Variants in ZSCAN10 observed in about 807,000 individuals in gnomAD.
ZSCAN10 encodes the protein zinc finger and SCAN domain-containing protein 10.
In ZSCAN10, 52 loss-of-function variants were observed where a neutral mutation model predicts 63.7. That is an observed-to-expected ratio of 0.82 (90% CI 0.65 to 1.03). The LOEUF (loss-of-function observed/expected upper bound fraction) is 1.03. ZSCAN10 is among the 50% of genes least tolerant of loss of function. The pLI is 0.00. For missense variants in ZSCAN10, 1,223 were observed against 1,103.8 expected, an observed-to-expected ratio of 1.11 and a Z score of -1.53; for synonymous variants, 544 against 479.6, an observed-to-expected ratio of 1.13 and a Z score of -1.76.
At chr16:3,093,704 G>A (rs1422662147) in intron 1 of ZSCAN10, among the ~76,000 whole-genome samples, 4 of 139,346 alleles carry the variant, frequency 2.9e-5, no homozygotes, top group Non-Finnish European at 6.1e-5. Context: ...TTTTTGAGAT[G>A]GAGTCTTGCT....
intron 1 of ZSCAN10, among the ~76,000 whole-genome samples, chr16:3,094,404 G>C (rs2151217632): frequency 6.6e-6 from 1 of 152,322 alleles, no homozygotes; most frequent in East Asian, 1.9e-4. Context: ...GGAGTGCAAT[G>C]GCAAGATCTC....
chr16:3,092,041 C>A lies in ZSCAN10; in HGVS notation c.664+8G>T. The A allele has an allele frequency of 6.4e-7, 1 of 1,552,530 alleles. No individual in the cohort carries two copies. Among genetic ancestry groups the A allele is most frequent in the Non-Finnish European group, 8.7e-7 (1 of 1,149,222 alleles). ...AGTCCTTGGCCTCCTAGGGCACAAG[C>A]TCCTCACTGCTTTCTTGCAGGGCCT... On this transcript the variant is annotated splice_region_variant and intron_variant, in intron 3 of 5. Coordinates refer to ENST00000576985, the MANE Select transcript of ZSCAN10 (RefSeq NM_032805.3).
intron 1 of ZSCAN10, among the ~76,000 whole-genome samples, chr16:3,095,821 C>G (rs1211024200): frequency 2.9e-5 from 4 of 136,894 alleles, no homozygotes; most frequent in African/African-American, 1.1e-4. Context: ...GAGCCAGACT[C>G]CATCTCAAAA....
Position 3,090,586 on chromosome 16 carries a change from G to A in ZSCAN10, c.848C>T (p.Ala283Val). The A allele has an allele frequency of 6.3e-7, 1 of 1,578,504 alleles. No homozygotes were observed. Among genetic ancestry groups the A allele is most frequent in the Non-Finnish European group, 8.6e-7 (1 of 1,160,516 alleles). ...EFKQEEPKGAAWPTPILAESQ... is the reference protein window; with the variant it reads ...EFKQEEPKGAVWPTPILAESQ... ...CTCTGCTAAGATGGGAGTGGGCCAG[G>A]CAGCCCCTTTGGGCTCTTCTTGTTT... is the stretch of plus-strand genomic sequence containing the variant. The change falls in exon 6 of 6, where the codon GCC becomes GTC. Residue 283 changes from alanine to valine, a missense_variant. Physicochemically the swap from Ala to Val is moderately conservative, Grantham distance 64. Transcript: ENST00000576985.
chr16:3,090,506 G>T lies in ZSCAN10; in HGVS notation c.928C>A (p.Arg310=). 6.2e-7 allele frequency: 1 copy of T among 1,613,212 alleles called. No individual in the cohort carries two copies. The highest frequency in any genetic ancestry group is 8.5e-7 in the Non-Finnish European group (1 of 1,179,702). The change falls in exon 6 of 6, where the codon CGG becomes AGG. Residue 310 remains arginine, a synonymous_variant. Transcript: ENST00000576985. ...PGEPCAQSLG[R]GAAASGPGED... The stretch of plus-strand genomic sequence containing the variant: ...CCAGGGCCGCTAGCCGCAGCGCCCC[G>T]TCCGAGCGACTGGGCGCAAGGCTCT...
At chr16:3,091,341 T>G (rs1957071440) in intron 5 of ZSCAN10, among the ~76,000 whole-genome samples, 199 bp downstream of exon 5, 1 of 151,796 alleles carries the variant, frequency 6.6e-6, no homozygotes, top group Non-Finnish European at 1.5e-5. Context: ...GTCTGGAGCT[T>G]CAGGCAAAGA....
At position 3,089,716 on chromosome 16, in the gene ZSCAN10, G is replaced by C; in HGVS notation, c.1718C>G (p.Thr573Arg). The C allele has an allele frequency of 1.9e-6, 3 of 1,604,216 alleles. No individual in the cohort carries two copies. Among genetic ancestry groups the C allele is most frequent in the Non-Finnish European group, 2.5e-6 (3 of 1,178,928 alleles). ...CGGACAGGCGTAGGGCTTCTCGCCC[G>C]TGTGCACCCGTTGGTGGCTGACCAG... ...SQLVSHQRVH[T>R]GEKPYACPQC... The change falls in exon 6 of 6, where the codon ACG becomes AGG. Residue 573 changes from threonine to arginine, a missense_variant. Coordinates refer to ENST00000576985, the MANE Select transcript of ZSCAN10 (RefSeq NM_032805.3).
chr16:3,092,344 A>C, intron 2 of ZSCAN10, 28 bp from the exon 3 acceptor site: 1 of 1,565,584 alleles, frequency 6.4e-7, no homozygotes, highest in Non-Finnish European at 8.7e-7. Context: ...AAGTTAAGTG[A>C]CTCCCGGGGT....
chr16:3,092,523 C>A lies in ZSCAN10; in HGVS notation c.396+19G>T. On this transcript the variant is annotated intron_variant, in intron 2 of 5. Transcript: ENST00000576985. Reference sequence around the variant, plus strand: ...CCCATCATCCGCATGCTGCTCAGCCCGCTGCCCCACCCTCTCACCAGCGGC... The same window carrying A: ...CCCATCATCCGCATGCTGCTCAGCCAGCTGCCCCACCCTCTCACCAGCGGC... The A allele has an allele frequency of 6.7e-7, 1 of 1,488,006 alleles. No homozygotes were observed. Among genetic ancestry groups the A allele is most frequent in the South Asian group, 1.3e-5 (1 of 75,776 alleles). 92.2% of individuals were successfully genotyped at this position (1,488,006 alleles called of 1,614,324 possible).
At chr16:3,094,495 G>C (rs781171222) in intron 1 of ZSCAN10, among the ~76,000 whole-genome samples, 13 of 152,180 alleles carry the variant, frequency 8.5e-5, no homozygotes, top group African/African-American at 2.9e-4. Context: ...ACAAGCACGC[G>C]CCACCGCATG....
At chr16:3,093,527 A>G (rs1012421128) in intron 1 of ZSCAN10, among the ~76,000 whole-genome samples, 7 of 151,866 alleles carry the variant, frequency 4.6e-5, no homozygotes, top group South Asian at 2.1e-4. Flanking sequence ...AAAAAAAAAA[A>G]AAAGAAATTT....
chr16:3,091,575 A>G lies in ZSCAN10; in HGVS notation c.752T>C (p.Val251Ala), dbSNP rs1360049759. The G allele has an allele frequency of 6.2e-7, 1 of 1,614,234 alleles. No individual in the cohort carries two copies. Residue 251 changes from valine to alanine, a missense_variant, in exon 5 of 6, where the codon GTG becomes GCG. Coordinates refer to ENST00000576985, the MANE Select transcript of ZSCAN10 (RefSeq NM_032805.3). ...TGCAGGCCACGCCTTATTCTCTGGC[A>G]CATCCTCAAAGGTCAGGCACTCCTG... ...AVLECLTFED[V>A]PENKAWPAHP...
chr16:3,090,067 T>C lies in ZSCAN10; in HGVS notation c.1367A>G (p.Gln456Arg). Residue 456 changes from glutamine to arginine, a missense_variant, in exon 6 of 6, where the codon CAG becomes CGG. By Grantham distance (43) the Gln-to-Arg change is conservative. Coordinates refer to ENST00000576985, the MANE Select transcript of ZSCAN10 (RefSeq NM_032805.3). ...SLVQHLLAHAQDQKPPCAPES... is the reference protein window; with the variant it reads ...SLVQHLLAHARDQKPPCAPES... ...AGGAGCGCAGGGCGGCTTCTGGTCC[T>C]GGGCGTGCGCCAGCAGGTGCTGCAC... The C allele has an allele frequency of 6.2e-7, 1 of 1,603,950 alleles. No homozygotes were observed. Among genetic ancestry groups the C allele is most frequent in the East Asian group, 2.2e-5 (1 of 44,756 alleles).
Position 3,096,861 on chromosome 16 carries a change from G to A in ZSCAN10, c.-68+2329C>T, listed in dbSNP as rs190597353. ...GGAGAATTGCTTGAACCTGGGAGGC[G>A]GAGGTTGCAGTGAGACGAGATCGTG... On this transcript the variant is annotated intron_variant, in intron 1 of 5. Coordinates refer to ENST00000576985, the MANE Select transcript of ZSCAN10 (RefSeq NM_032805.3). Among the ~76,000 whole-genome samples, 471 of 151,746 alleles carry A rather than the reference G, an allele frequency of 3.1e-3. 2 individuals carry two copies. The highest frequency in any genetic ancestry group is 7.0e-3 in the Admixed American group (106 of 15,216).
chr16:3,092,827 C>T lies in ZSCAN10; in HGVS notation c.111G>A (p.Arg37=). ...GCTGGTGAGCCACCTCGGGCCTCAG[C>T]CTGGACTCTGGTCGCCTGGGGTCCT... ...SPEDPRRPES[R]LRPEVAHQLF... Residue 37 remains arginine, a synonymous_variant, in exon 2 of 6, where the codon AGG becomes AGA. Transcript: ENST00000576985. 6.6e-7 allele frequency: 1 copy of T among 1,504,902 alleles called. No individual in the cohort carries two copies. The highest frequency in any genetic ancestry group is 8.9e-7 in the Non-Finnish European group (1 of 1,122,378). 93.2% of individuals were successfully genotyped at this position (1,504,902 alleles called of 1,614,324 possible).
chr16:3,089,968 G>A lies in ZSCAN10; in HGVS notation c.1466C>T (p.Ser489Phe), dbSNP rs1957045638. 6.5e-7 allele frequency: 1 copy of A among 1,544,704 alleles called. No homozygotes were observed. Among genetic ancestry groups the A allele is most frequent in the African/African-American group, 1.4e-5 (1 of 73,080 alleles). ...SHCGQSFQRR[S>F]SLKRHLRIHA... ...GATCCGCAGGTGGCGCTTGAGGCTGGAGCGGCGCTGGAAGCTCTGGCCGCA... is the reference window on the plus strand; with the variant it reads ...GATCCGCAGGTGGCGCTTGAGGCTGAAGCGGCGCTGGAAGCTCTGGCCGCA... Residue 489 changes from serine (S) to phenylalanine (F), a missense_variant, in exon 6 of 6, where the codon TCC becomes TTC. By Grantham distance (155) the Ser-to-Phe change is radical. Coordinates refer to ENST00000576985, the MANE Select transcript of ZSCAN10 (RefSeq NM_032805.3).
In ZSCAN10 at chr16:3,089,094, G is replaced by A. The variant is rs745629189; in HGVS notation, c.2340C>T (p.Tyr780=). The part of the protein sequence containing the change: ...HLRTHARETL[Y] ...GGCTGGCGGAAGGCGGGCCAAGCTAGTACAGCGTCTCGCGGGCGTGGGTGC... is the reference window on the plus strand; with the variant it reads ...GGCTGGCGGAAGGCGGGCCAAGCTAATACAGCGTCTCGCGGGCGTGGGTGC... The change falls in exon 6 of 6, where the codon TAC becomes TAT. Residue 780 remains tyrosine (Y), a synonymous_variant. Coordinates refer to ENST00000576985, the MANE Select transcript of ZSCAN10 (RefSeq NM_032805.3). 13 of 1,498,556 alleles carry A rather than the reference G, an allele frequency of 8.7e-6. No homozygotes were observed. The highest frequency in any genetic ancestry group is 1.4e-5 in the African/African-American group (1 of 69,650). 92.8% of individuals were successfully genotyped at this position (1,498,556 alleles called of 1,614,324 possible).
intron 3 of ZSCAN10, 31 bp downstream of exon 3, chr16:3,092,013 CCCAGT>C: frequency 1.3e-6 from 2 of 1,550,678 alleles, no homozygotes; most frequent in South Asian, 2.5e-5. Context: ...CTCCGCGACA[CCCAGT>C]CCTTGGCCTC....
chr16:3,090,213 G>T lies in ZSCAN10; in HGVS notation c.1221C>A (p.His407Gln), dbSNP rs771403484. The T allele has an allele frequency of 3.1e-6, 5 of 1,605,988 alleles. No individual in the cohort carries two copies. The highest frequency in any genetic ancestry group is 4.2e-6 in the Non-Finnish European group (5 of 1,179,322). Residue 407 changes from histidine to glutamine, a missense_variant, in exon 6 of 6, where the codon CAC becomes CAA. Physicochemically the swap from His to Gln is conservative, Grantham distance 24. Transcript: ENST00000576985. ...THTDERPHAC[H>Q]LCGHRFRQSS... ...TCTGGCGGAAGCGGTGGCCGCACAG[G>T]TGGCAGGCGTGCGGCCGCTCGTCCG...
Sources: allele counts gnomAD v4.1 joint callset (sites outside exome capture counted in the v4.1 genomes callset), GRCh38; gene constraint gnomAD v4.1.1; transcripts MANE v1.5; gene names NCBI Gene and HGNC (gene_info 2026-07-23, HGNC 2026-07-21).